The following OXSR1 variants were observed in gnomAD, a reference collection of about 807,000 sequenced individuals.
OXSR1 encodes the protein oxidative stress responsive kinase 1.
Under a neutral mutation model 79.8 loss-of-function variants are expected in OXSR1, and 24 were observed. That is an observed-to-expected ratio of 0.30 (90% CI 0.22 to 0.42). OXSR1 has a LOEUF of 0.42. OXSR1 is among the 10% of genes least tolerant of loss of function. The pLI, the probability that OXSR1 is intolerant of heterozygous loss-of-function variation, is 1.00. For synonymous variants in OXSR1, 226 were observed against 209.2 expected (o/e 1.08, Z -0.69); for missense variants, 430 against 618.4 (o/e 0.70, Z 3.23).
chr3:38,242,241 C>G (rs533668796), intron 11 of OXSR1, among the ~76,000 whole-genome samples: 1 of 152,176 alleles, frequency 6.6e-6, no homozygotes, highest in South Asian at 2.1e-4. Flanking sequence ...ATACCAGATT[C>G]CCAAATATCC....
chr3:38,170,890 G>A (rs1318900522), intron 1 of OXSR1, among the ~76,000 whole-genome samples: 1 of 152,106 alleles, frequency 6.6e-6, no homozygotes, highest in Non-Finnish European at 1.5e-5. Context: ...TGATCCTCTT[G>A]CCTCGTCCTC....
intron 12 of OXSR1, 58 bp downstream of exon 12, chr3:38,242,836 C>T: frequency 3.8e-6 from 4 of 1,054,804 alleles, no homozygotes; most frequent in Non-Finnish European, 5.8e-6. Context: ...GTTTTGGTTT[C>T]AATTCGAAGT....
At chr3:38,231,454 G>A (rs1702805473) in intron 10 of OXSR1, among the ~76,000 whole-genome samples, 1 of 151,984 alleles carries the variant, frequency 6.6e-6, no homozygotes, top group Non-Finnish European at 1.5e-5. Context: ...AAACTCACTT[G>A]GCTCATTCCT....
At chr3:38,207,908 CCCCCTCCCCT>C (rs1294902862) in intron 4 of OXSR1, among the ~76,000 whole-genome samples, 1 of 99,258 alleles carries the variant, frequency 1.0e-5, no homozygotes, top group African/African-American at 3.9e-5. Context: ...CCTCCCCCCT[CCCCCTCCCCT>C]CCCCTCCCCT....
rs1312017704 is a variant in OXSR1 at position 38,253,028 on chromosome 3, CT to C, written c.*139del. On this transcript the variant is annotated 3_prime_UTR_variant, in exon 18 of 18. Coordinates refer to ENST00000311806, the MANE Select transcript of OXSR1 (RefSeq NM_005109.3). ...TAGGAGCTTTAGAAGTCTTTATGTT[CT>C]TCCTGCCATCATTCCTCCTTTTCCC... 1.5e-6 allele frequency: 1 copy of C among 646,818 alleles called. No homozygotes were observed. Among genetic ancestry groups the C allele is most frequent in the Non-Finnish European group, 2.7e-6 (1 of 368,888 alleles). The allele number at this position is 646,818 out of a possible 1,614,324, so 40.1% of individuals were successfully genotyped here.
At chr3:38,243,105 T>C (rs947682322) in intron 12 of OXSR1, among the ~76,000 whole-genome samples, 2 of 152,102 alleles carry the variant, frequency 1.3e-5, no homozygotes, top group South Asian at 4.1e-4. Context: ...TGATCACGGC[T>C]CACTGCAGCC....
At chr3:38,194,736 A>G (rs924608140) in intron 3 of OXSR1, among the ~76,000 whole-genome samples, 42 of 152,136 alleles carry the variant, frequency 2.8e-4, no homozygotes, top group African/African-American at 8.9e-4. Context: ...GAAGAGGACT[A>G]TTGGTAGAGG....
At chr3:38,193,568 A>G (rs1702022231) in intron 3 of OXSR1, 1 of 413,026 alleles carries the variant, frequency 2.4e-6, no homozygotes, top group South Asian at 2.0e-5. Context: ...TCTCGTCCAT[A>G]TCTGTATGCC....
chr3:38,165,718 G>T lies in OXSR1; in HGVS notation c.-159G>T. 1.7e-6 allele frequency: 1 copy of T among 603,942 alleles called. No individual in the cohort carries two copies. Among genetic ancestry groups the T allele is most frequent in the South Asian group, 2.1e-5 (1 of 48,104 alleles). The allele number at this position is 603,942 out of a possible 1,614,324, so 37.4% of individuals were successfully genotyped here. A position where few individuals can be genotyped will look rare whatever the true frequency, so the allele number is the denominator to read the frequency against. Reference sequence around the variant, plus strand: ...AGCCCCCGCTGCTCTGCCGCGCGGTGACCCCGCGCCCCGGCGCCGTCCGAC... The same window carrying T: ...AGCCCCCGCTGCTCTGCCGCGCGGTTACCCCGCGCCCCGGCGCCGTCCGAC... On this transcript the variant is annotated 5_prime_UTR_variant, in exon 1 of 18. Transcript: ENST00000311806.
At chr3:38,170,788 C>T (rs1575302863) in intron 1 of OXSR1, among the ~76,000 whole-genome samples, 1 of 151,944 alleles carries the variant, frequency 6.6e-6, no homozygotes, top group Non-Finnish European at 1.5e-5. Context: ...GAATGATCTC[C>T]CCTGCTTTTT....
chr3:38,185,396 C>T (rs1701865859), intron 2 of OXSR1, among the ~76,000 whole-genome samples: 1 of 150,384 alleles, frequency 6.6e-6, no homozygotes, highest in Admixed American at 6.6e-5. Flanking sequence ...ACCAGCTTGG[C>T]CAACATGGCA....
intron 4 of OXSR1, among the ~76,000 whole-genome samples, chr3:38,203,946 T>C (rs1335356895): frequency 6.6e-6 from 1 of 152,122 alleles, no homozygotes; most frequent in Non-Finnish European, 1.5e-5. Context: ...CCACCCTGGG[T>C]GGGTGCAGAG....
chr3:38,207,610 C>T (rs147751459), intron 4 of OXSR1, among the ~76,000 whole-genome samples: 1 of 152,254 alleles, frequency 6.6e-6, no homozygotes, highest in African/African-American at 2.4e-5. Context: ...AGGGATGCTG[C>T]TAAATTTATC....
At chr3:38,184,954 G>GTTTTTTTTTTTTTTTTTT (rs1559503629) in intron 2 of OXSR1, among the ~76,000 whole-genome samples, 3 of 96,224 alleles carry the variant, frequency 3.1e-5, no homozygotes, top group African/African-American at 8.2e-5. Flanking sequence ...TTTTTTTTGG[G>GTTTTTTTTTTTTTTTTTT]TTTCTTTGAG....
intron 6 of OXSR1, among the ~76,000 whole-genome samples, chr3:38,222,693 G>A (rs1405644635): frequency 6.6e-6 from 1 of 152,036 alleles, no homozygotes; most frequent in Non-Finnish European, 1.5e-5. Flanking sequence ...GAGAAATTTG[G>A]CAACATATTC....
At chr3:38,164,795 A>T (rs1366033130), upstream of OXSR1, among the ~76,000 whole-genome samples, 1 of 152,158 alleles carries the variant, frequency 6.6e-6, no homozygotes, top group East Asian at 1.9e-4. Context: ...GAATGGACAG[A>T]ACCCGCCCAG....
At chr3:38,176,605 A>G (rs1207109660) in intron 1 of OXSR1, among the ~76,000 whole-genome samples, 1 of 152,372 alleles carries the variant, frequency 6.6e-6, no homozygotes, top group Non-Finnish European at 1.5e-5. Context: ...GACTGTTAGC[A>G]TAGAAGAACT....
intron 8 of OXSR1, among the ~76,000 whole-genome samples, chr3:38,227,568 C>CAG (rs1417328537): frequency 6.6e-6 from 1 of 151,328 alleles, no homozygotes; most frequent in African/African-American, 2.4e-5. Flanking sequence ...CACACACACA[C>CAG]ACACACACAC....
At chr3:38,233,005 A>T (rs1033907678) in intron 10 of OXSR1, among the ~76,000 whole-genome samples, 3 of 152,146 alleles carry the variant, frequency 2.0e-5, no homozygotes, top group Admixed American at 6.5e-5. Context: ...CAGAAATGAG[A>T]GTGAAAGTAG....
Sources: allele counts gnomAD v4.1 joint callset (sites outside exome capture counted in the v4.1 genomes callset), GRCh38; gene constraint gnomAD v4.1.1; transcripts MANE v1.5; gene names NCBI Gene and HGNC (gene_info 2026-07-23, HGNC 2026-07-21).